Variants in ZCRB1 observed in about 807,000 individuals in gnomAD.
ZCRB1 encodes the protein zinc finger CCHC-type and RNA-binding motif-containing protein 1.
A neutral mutation model predicts 29.9 loss-of-function variants in ZCRB1; 21 were observed. The ratio of observed to expected loss-of-function variants is 0.70; its 90% CI spans 0.50 to 1.01. ZCRB1 has a LOEUF of 1.01. Ranked by LOEUF, ZCRB1 falls within the 50% of genes least tolerant of loss-of-function variation. ZCRB1 has a pLI of 0.00. For missense variants in ZCRB1, 204 were observed against 253.3 expected (o/e 0.81, Z 1.32); for synonymous variants, 77 against 80.0 (o/e 0.96, Z 0.20).
At position 42,323,917 on chromosome 12, in the gene ZCRB1, A is replaced by G. The variant is rs529848404; in HGVS notation, c.84+102T>C. The G allele has an allele frequency of 2.8e-4, 326 of 1,171,194 alleles. 1 individual carries two copies. The African/African-American group carries it at 4.5e-3, about 16-fold the overall frequency. 72.6% of individuals were successfully genotyped at this position (1,171,194 alleles called of 1,614,324 possible). A position where few individuals can be genotyped will look rare whatever the true frequency, so the allele number is the denominator to read the frequency against. ...CAGTGACAGAATTAGACTGTCTCAAAAAAAGAAAAAAAAAAAAAGGAAAAA... is the reference window on the plus strand; with the variant it reads ...CAGTGACAGAATTAGACTGTCTCAAGAAAAGAAAAAAAAAAAAAGGAAAAA... On this transcript the variant is annotated intron_variant, in intron 2 of 7. Transcript: ENST00000266529.
At chr12:42,324,222 C>T (rs1392850615) in intron 1 of ZCRB1, 118 bp from the exon 2 acceptor site, 2 of 806,104 alleles carry the variant, frequency 2.5e-6, no homozygotes, top group Admixed American at 4.2e-5. Flanking sequence ...GATCTCGGCT[C>T]ACTGCAACCT....
chr12:42,314,396 CTAAAAAAAAA>C, intron 5 of ZCRB1, among the ~76,000 whole-genome samples: 1 of 29,180 alleles, frequency 3.4e-5, no homozygotes. Flanking sequence ...CCCGTCTCTA[CTAAAAAAAAA>C]AAAAAAAAAA....
intron 5 of ZCRB1, among the ~76,000 whole-genome samples, chr12:42,315,933 C>CT (rs998817065): frequency 2.0e-5 from 3 of 152,008 alleles, no homozygotes; most frequent in Non-Finnish European, 2.9e-5. Flanking sequence ...ATTTAGTTAT[C>CT]TTTTTTGTCG....
chr12:42,322,759 G>C (rs946877050), intron 2 of ZCRB1, among the ~76,000 whole-genome samples: 2 of 152,114 alleles, frequency 1.3e-5, no homozygotes, highest in Non-Finnish European at 2.9e-5. Context: ...GTATACCCAT[G>C]GCAACTATCA....
At chr12:42,320,008 C>G (rs555343526) in intron 3 of ZCRB1, among the ~76,000 whole-genome samples, 1 of 152,016 alleles carries the variant, frequency 6.6e-6, no homozygotes, top group East Asian at 1.9e-4. Flanking sequence ...TCATACAATA[C>G]TTTGATAGAG....
intron 5 of ZCRB1, among the ~76,000 whole-genome samples, chr12:42,315,538 C>A (rs1015498031): frequency 6.6e-6 from 1 of 151,808 alleles, no homozygotes; most frequent in Admixed American, 6.6e-5. Context: ...ATATCCCATA[C>A]TAAAAAAGGA....
intron 4 of ZCRB1, 129 bp downstream of exon 4, chr12:42,317,658 A>C: frequency 1.2e-6 from 1 of 854,886 alleles, no homozygotes; most frequent in Non-Finnish European, 1.8e-6. Context: ...TTTTCTTTCT[A>C]TAAGTTAGAT....
rs201015547 is a variant in ZCRB1, at chr12:42,313,050, T to C, written c.*17A>G. 35 of 1,522,088 alleles carry C rather than the reference T, an allele frequency of 2.3e-5. No individual in the cohort carries two copies. Among genetic ancestry groups the C allele is most frequent in the Non-Finnish European group, 3.1e-5 (35 of 1,139,208 alleles). 94.3% of individuals were successfully genotyped at this position (1,522,088 alleles called of 1,614,324 possible). A position where few individuals can be genotyped will look rare whatever the true frequency, so the allele number is the denominator to read the frequency against. On this transcript the variant is annotated 3_prime_UTR_variant, in exon 8 of 8. Coordinates refer to ENST00000266529, the MANE Select transcript of ZCRB1 (RefSeq NM_033114.4). ...ACTAACAAATCTTGATTTTTATTAC[T>C]GTGCTGGGGCAAGATTTTAATCACT...
At chr12:42,314,593 A>T (rs189284300) in intron 5 of ZCRB1, among the ~76,000 whole-genome samples, 4 of 150,964 alleles carry the variant, frequency 2.6e-5, no homozygotes, top group African/African-American at 7.3e-5. Flanking sequence ...AAAAAAAAAA[A>T]ATCAAAATTT....
intron 3 of ZCRB1, among the ~76,000 whole-genome samples, chr12:42,318,521 C>T (rs2068605851): frequency 6.6e-6 from 1 of 152,140 alleles, no homozygotes; most frequent in African/African-American, 2.4e-5. Flanking sequence ...CCAGGGTGTA[C>T]CTGAGTGACA....
At chr12:42,317,999 TA>T (rs1331538773) in intron 3 of ZCRB1, 101 bp from the exon 4 acceptor site, 5 of 873,778 alleles carry the variant, frequency 5.7e-6, no homozygotes, top group Non-Finnish European at 8.7e-6. Context: ...ATTTATAAGA[TA>T]AATTAATACA....
At chr12:42,313,339 C>T (rs2068578543) in intron 7 of ZCRB1, 141 bp from the exon 8 acceptor site, 1 of 891,080 alleles carries the variant, frequency 1.1e-6, no homozygotes, top group South Asian at 2.4e-5. Context: ...GATCTGCTCC[C>T]TTCCCCTGAG....
At position 42,322,590 on chromosome 12, in the gene ZCRB1, T is replaced by G. The variant is rs979151432; in HGVS notation, c.85-144A>C. ...CTATAAGACAGGCCCTAGGAAAAAG[T>G]TTTTTTTGGTTACTAGAATAATATA... On this transcript the variant is annotated intron_variant, in intron 2 of 7. Transcript: ENST00000266529. The G allele has an allele frequency of 2.3e-5, 17 of 724,420 alleles. No homozygotes were observed. The Middle Eastern group carries it at 1.4e-3, about 60-fold the overall frequency. The allele number at this position is 724,420 out of a possible 1,614,324, so 44.9% of individuals were successfully genotyped here. A position where few individuals can be genotyped will look rare whatever the true frequency, so the allele number is the denominator to read the frequency against.
At chr12:42,320,371 C>T (rs144580146) in intron 3 of ZCRB1, among the ~76,000 whole-genome samples, 58 of 152,254 alleles carry the variant, frequency 3.8e-4, no homozygotes, top group African/African-American at 1.3e-3. Flanking sequence ...TCTATATCTC[C>T]ACCTGTACTA....
At chr12:42,319,902 T>C (rs1332940090) in intron 3 of ZCRB1, among the ~76,000 whole-genome samples, 2 of 152,210 alleles carry the variant, frequency 1.3e-5, no homozygotes, top group Non-Finnish European at 2.9e-5. Flanking sequence ...AGTCACTCTG[T>C]TAGCCTCAAG....
intron 5 of ZCRB1, among the ~76,000 whole-genome samples, chr12:42,315,037 T>C (rs544898773): frequency 6.6e-6 from 1 of 152,350 alleles, no homozygotes; most frequent in South Asian, 2.1e-4. Flanking sequence ...CCCTTTTATA[T>C]CCTGACTACA....
At chr12:42,315,233 C>T (rs1317069953) in intron 5 of ZCRB1, among the ~76,000 whole-genome samples, 1 of 152,184 alleles carries the variant, frequency 6.6e-6, no homozygotes, top group Non-Finnish European at 1.5e-5. Flanking sequence ...TTAGCTAGAA[C>T]ATTGATTTGT....
rs1369408658 is a variant in ZCRB1, at chr12:42,312,284, C to G, written c.*783G>C. 1 of 151,656 alleles carries G rather than the reference C, an allele frequency of 6.6e-6. No homozygotes were observed. 9.4% of individuals were successfully genotyped at this position (151,656 alleles called of 1,614,324 possible). On this transcript the variant is annotated 3_prime_UTR_variant, in exon 8 of 8. Coordinates refer to ENST00000266529, the MANE Select transcript of ZCRB1 (RefSeq NM_033114.4). The stretch of plus-strand genomic sequence containing the variant: ...CCATTACCATATACCCACCTGCAGA[C>G]AGAATGGGAAGATTTAGTCATAAAT...
intron 3 of ZCRB1, among the ~76,000 whole-genome samples, chr12:42,318,249 G>A (rs560189770): frequency 2.0e-4 from 31 of 152,142 alleles, no homozygotes; most frequent in Non-Finnish European, 3.2e-4. Context: ...TACACAAAAA[G>A]TAAAATGATT....
Sources: allele counts gnomAD v4.1 joint callset (sites outside exome capture counted in the v4.1 genomes callset), GRCh38; gene constraint gnomAD v4.1.1; transcripts MANE v1.5; gene names NCBI Gene and HGNC (gene_info 2026-07-23, HGNC 2026-07-21).